Variants in LIPA observed in about 807,000 individuals in gnomAD.
LIPA encodes lipase A, lysosomal acid type.
In LIPA, 26 loss-of-function variants were observed where a neutral mutation model predicts 40.6. The ratio of observed to expected loss-of-function variants is 0.64; its 90% CI spans 0.47 to 0.89. The LOEUF is 0.89. Among genes scored for constraint, LIPA ranks in the 40% least tolerant of loss-of-function variants. The pLI is 0.00. For synonymous variants in LIPA, 188 were observed against 168.4 expected (o/e 1.12, Z -0.90); for missense variants, 455 against 479.6 (o/e 0.95, Z 0.48).
chr10:89,214,949 A>G lies in LIPA; in HGVS notation c.1079T>C (p.Ile360Thr), dbSNP rs776294856. 3 of 1,614,078 alleles carry G rather than the reference A, an allele frequency of 1.9e-6. No individual in the cohort carries two copies. In the South Asian group the frequency reaches 3.3e-5, roughly 18 times the overall value. Residue 360 changes from isoleucine to threonine, a missense_variant, in exon 10 of 10, where the codon ATC (isoleucine) becomes ACC (threonine). Ile to Thr is a moderately conservative substitution (Grantham distance 89). Coordinates refer to ENST00000336233, the MANE Select transcript of LIPA (RefSeq NM_000235.4). ...GCTCTCATGGAACACCAAGTTGGTG[A>G]TCTGAGTCAGTAAGATATTGACGTC... ...VYDVNILLTQITNLVFHESIP... is the reference protein window; with the variant it reads ...VYDVNILLTQTTNLVFHESIP...
At chr10:89,353,170 C>G (rs1843969134) in intron 2 of LIPA, among the ~76,000 whole-genome samples, 1 of 152,144 alleles carries the variant, frequency 6.6e-6, no homozygotes, top group South Asian at 2.1e-4. Context: ...TGGTTGAAGC[C>G]AATGCCAGGG....
In LIPA at chr10:89,363,433, C is replaced by G. The variant is rs964223105; in HGVS notation, c.61+49358G>C. 1.3e-4 allele frequency: 20 copies of G among 152,124 alleles called. 2 individuals carry two copies. The highest frequency in any genetic ancestry group is 4.6e-4 in the African/African-American group (19 of 41,488). The allele number at this position is 152,124 out of a possible 1,614,324, so 9.4% of individuals were successfully genotyped here. ...GCAAGAGATTTATTATCGTTATGGC[C>G]CCTTTCAGGAATGTCATGGGAAGTC... On this transcript the variant is annotated intron_variant, in intron 2 of 8. Transcript: ENST00000371837.
chr10:89,229,162 T>C (rs902825176), intron 3 of LIPA, among the ~76,000 whole-genome samples: 1 of 152,048 alleles, frequency 6.6e-6, no homozygotes, highest in Admixed American at 6.6e-5. Context: ...GACAATGGAG[T>C]ATTACTCAGC....
At chr10:89,389,516 C>T (rs1181714481) in intron 2 of LIPA, among the ~76,000 whole-genome samples, 1 of 152,154 alleles carries the variant, frequency 6.6e-6, no homozygotes, top group Non-Finnish European at 1.5e-5. Flanking sequence ...AACCAGATCA[C>T]TAGATCCTAT....
rs183717094 is a variant in LIPA, at chr10:89,393,901, A to T, written c.61+18890T>A. On this transcript the variant is annotated intron_variant, in intron 2 of 8. Transcript: ENST00000371837. ...GATGGAGTTGGTACTGATAATTAAAATAATAATAATATTAAATGTTATAAA... is the reference window on the plus strand; with the variant it reads ...GATGGAGTTGGTACTGATAATTAAATTAATAATAATATTAAATGTTATAAA... Among the ~76,000 whole-genome samples, 490 of 152,324 alleles carry T rather than the reference A, an allele frequency of 3.2e-3. 5 individuals are homozygous for T. Among genetic ancestry groups the T allele is most frequent in the African/African-American group, 0.01 (429 of 41,572 alleles).
At chr10:89,288,429 C>A (rs7073204) in intron 1 of LIPA, among the ~76,000 whole-genome samples, 3,263 of 152,252 alleles carry the variant, frequency 0.021, 119 homozygotes, top group African/African-American at 0.073. Flanking sequence ...CTCATCCCAA[C>A]CCTTTTCATT....
chr10:89,227,125 G>A (rs776719147), intron 4 of LIPA, 121 bp from the exon 5 acceptor site: 17 of 732,422 alleles, frequency 2.3e-5, no homozygotes, highest in Non-Finnish European at 3.9e-5. Flanking sequence ...CCAGCAGTGA[G>A]TCCAGGAAAC....
chr10:89,300,650 G>T (rs1163306423), intron 1 of LIPA, among the ~76,000 whole-genome samples: 4 of 152,212 alleles, frequency 2.6e-5, no homozygotes, highest in African/African-American at 9.7e-5. Flanking sequence ...GTGATGGATT[G>T]TTGAATGTCA....
At chr10:89,333,393 A>G (rs1284369792) in intron 1 of LIPA, among the ~76,000 whole-genome samples, 3 of 152,258 alleles carry the variant, frequency 2.0e-5, no homozygotes, top group Non-Finnish European at 4.4e-5. Flanking sequence ...CTTCATAGGC[A>G]TACTGAATGG....
At chr10:89,371,761 C>T (rs1389537299) in intron 2 of LIPA, among the ~76,000 whole-genome samples, 1 of 152,142 alleles carries the variant, frequency 6.6e-6, no homozygotes, top group East Asian at 1.9e-4. Flanking sequence ...ACCATTGGAA[C>T]CTTAAACATC....
chr10:89,302,773 C>T (rs1843453500), intron 1 of LIPA, among the ~76,000 whole-genome samples: 2 of 152,094 alleles, frequency 1.3e-5, no homozygotes, highest in African/African-American at 4.8e-5. Context: ...AAACATGAGA[C>T]TGCCCTGGAG....
chr10:89,231,366 T>C (rs896907252), intron 3 of LIPA, among the ~76,000 whole-genome samples: 3 of 152,196 alleles, frequency 2.0e-5, no homozygotes, highest in Non-Finnish European at 4.4e-5. Flanking sequence ...ACTGCTCACA[T>C]ACATGAAAAT....
chr10:89,252,470 A>G (rs1303740683), upstream of LIPA, among the ~76,000 whole-genome samples: 2 of 150,302 alleles, frequency 1.3e-5, no homozygotes, highest in African/African-American at 4.9e-5. Flanking sequence ...AGGTGGTGAT[A>G]AGTGCTATAA....
intron 2 of LIPA, among the ~76,000 whole-genome samples, chr10:89,359,553 G>T (rs935115487): frequency 6.6e-5 from 10 of 152,158 alleles, no homozygotes; most frequent in African/African-American, 2.4e-4. Flanking sequence ...AAATGCTCAG[G>T]TGTGTCCAGA....
At chr10:89,223,053 T>G (rs1171154483) in intron 7 of LIPA, among the ~76,000 whole-genome samples, 1 of 152,142 alleles carries the variant, frequency 6.6e-6, no homozygotes, top group Non-Finnish European at 1.5e-5. Context: ...TTTTATAAAA[T>G]AAAATGGGTT....
intron 2 of LIPA, among the ~76,000 whole-genome samples, chr10:89,349,686 T>C (rs544571671): frequency 5.7e-4 from 86 of 151,872 alleles, no homozygotes; most frequent in Non-Finnish European, 1.0e-3. Context: ...TCAGGAGTGG[T>C]TGGAGGGGTT....
intron 1 of LIPA, among the ~76,000 whole-genome samples, chr10:89,285,663 T>C (rs1843337589): frequency 6.6e-6 from 1 of 152,098 alleles, no homozygotes; most frequent in African/African-American, 2.4e-5. Context: ...CTTCTCTCCA[T>C]GTCTCTACCC....
intron 1 of LIPA, among the ~76,000 whole-genome samples, chr10:89,285,879 C>G (rs1302183241): frequency 1.3e-5 from 2 of 151,982 alleles, no homozygotes; most frequent in African/African-American, 2.4e-5. Flanking sequence ...TCTACCCTCT[C>G]TTTTCTCTGG....
intron 1 of LIPA, among the ~76,000 whole-genome samples, chr10:89,266,221 C>T (rs879651040): frequency 1.3e-5 from 2 of 152,204 alleles, no homozygotes; most frequent in Non-Finnish European, 2.9e-5. Context: ...TGCTACGGTG[C>T]TGTTTAGTTA....
Sources: gnomAD v4.1 joint callset for allele counts (sites outside exome capture counted in the v4.1 genomes callset) on GRCh38, gnomAD v4.1.1 for gene constraint, MANE v1.5 for transcripts, NCBI Gene and HGNC (gene_info 2026-07-23, HGNC 2026-07-21) for gene names.